JAK3: variants seen among roughly 807,000 people sequenced by gnomAD.
JAK3 encodes the protein tyrosine-protein kinase JAK3.
In JAK3, 88 loss-of-function variants were observed where a neutral mutation model predicts 120.8. The ratio of observed to expected loss-of-function variants is 0.73; its 90% CI spans 0.61 to 0.87. The LOEUF is 0.87. Ranked by LOEUF, JAK3 falls within the 40% of genes least tolerant of loss-of-function variation. JAK3 has a pLI of 0.00. For synonymous variants in JAK3, 592 were observed against 628.6 expected (o/e 0.94, Z 0.87); for missense variants, 1,254 against 1,501.4 (o/e 0.84, Z 2.72).
In JAK3 at chr19:17,831,397, T is replaced by C. The variant is rs2094214260; in HGVS notation, c.2809A>G (p.Met937Val). 1 of 1,603,340 alleles carries C rather than the reference T, an allele frequency of 6.2e-7. No individual in the cohort carries two copies. The highest frequency in any genetic ancestry group is 8.5e-7 in the Non-Finnish European group (1 of 1,179,718). Reference sequence around the variant, plus strand: ...CAGCGGCGGGAGCCCAGGTACTCCATGCCCTGCGGGCGGGCGGTGTGAGCG... The same window carrying C: ...CAGCGGCGGGAGCCCAGGTACTCCACGCCCTGCGGGCGGGCGGTGTGAGCG... ...LLYSSQICKG[M>V]EYLGSRRCVH... is the part of the protein sequence containing the mutation. Residue 937 changes from methionine (M) to valine (V), a missense_variant, in exon 21 of 24, where the codon ATG becomes GTG. Coordinates refer to ENST00000458235, the MANE Select transcript of JAK3 (RefSeq NM_000215.4). The surrounding 1 kb of genome is among the most constrained non-coding windows in gnomAD (Gnocchi z 5.1).
chr19:17,838,431 G>A lies in JAK3; in HGVS notation c.1442-41C>T, dbSNP rs373265096. The A allele has an allele frequency of 5.9e-5, 96 of 1,613,812 alleles. No homozygotes were observed. In the African/African-American group the frequency reaches 8.7e-4, roughly 15 times the overall value. ...GAGGGAGAAAAACCAGAAATCAGAG[G>A]TGAAAAGTCCCCAAGGGTTAGCTAA... is the stretch of plus-strand genomic sequence containing the variant. On this transcript the variant is annotated intron_variant, in intron 10 of 23. Coordinates refer to ENST00000458235, the MANE Select transcript of JAK3 (RefSeq NM_000215.4).
chr19:17,832,610 G>C lies in JAK3; in HGVS notation c.2589C>G (p.Asp863Glu). 6.2e-7 allele frequency: 1 copy of C among 1,614,224 alleles called. No individual in the cohort carries two copies. The highest frequency in any genetic ancestry group is 8.5e-7 in the Non-Finnish European group (1 of 1,180,048). The change falls in exon 19 of 24, where the codon GAC (aspartate) becomes GAG (glutamate). Residue 863 changes from aspartate to glutamate, a missense_variant. Physicochemically the swap from Asp to Glu is conservative, Grantham distance 45 (BLOSUM62 2). Around this residue, in one of 3 missense-constraint regions of JAK3, gnomAD observed 630 missense variants for 819.8 expected, o/e 0.77. Coordinates refer to ENST00000458235, the MANE Select transcript of JAK3 (RefSeq NM_000215.4). The surrounding 1 kb of genome is among the most constrained non-coding windows in gnomAD (Gnocchi z 4.7). ...TCTCCCGCTGAAAGTCCCTCTGCTG[G>C]TCTGGCCCGCTGTGCTGCAGCTGTT... The part of the protein sequence containing the change: ...AVKQLQHSGP[D>E]QQRDFQREIQ...
chr19:17,842,951 G>A lies in JAK3; in HGVS notation c.566+76C>T, dbSNP rs886992826. 3.2e-6 allele frequency: 5 copies of A among 1,579,330 alleles called. No homozygotes were observed. The Admixed American group carries it at 8.3e-5, about 26-fold the overall frequency. ...CTTGCAGGAGAACTCCATGGTGGGAGCCCGGCAAAGCCCCGATGGAGCCCA... is the reference window on the plus strand; with the variant it reads ...CTTGCAGGAGAACTCCATGGTGGGAACCCGGCAAAGCCCCGATGGAGCCCA... On this transcript the variant is annotated intron_variant, in intron 5 of 23. Transcript: ENST00000458235. This position sits in a 1 kb window ranked among gnomAD's most constrained non-coding sequence, Gnocchi z 6.4.
At chr19:17,840,392 CAGAG>C (rs1271446507) in intron 8 of JAK3, 51 bp from the exon 9 acceptor site, 1 of 1,250,626 alleles carries the variant, frequency 8.0e-7, no homozygotes, top group African/African-American at 1.5e-5. Flanking sequence ...TAGAAGAAGA[CAGAG>C]AGACCTGGGC....
At position 17,826,416 on chromosome 19, in the gene JAK3, A is replaced by G. The variant is rs1472518500; in HGVS notation, c.*327T>C. On this transcript the variant is annotated 3_prime_UTR_variant, in exon 24 of 24. Coordinates refer to ENST00000458235, the MANE Select transcript of JAK3 (RefSeq NM_000215.4). ...AAAAATAAAAATAAAAAAAATAAAA[A>G]GAGAGAGACAGAAAAGGAAACTCAG... The G allele has an allele frequency of 3.0e-6, 1 of 335,008 alleles. No individual in the cohort carries two copies. Among genetic ancestry groups the G allele is most frequent in the Admixed American group, 4.4e-5 (1 of 22,682 alleles). 20.8% of individuals were successfully genotyped at this position (335,008 alleles called of 1,614,324 possible).
Position 17,843,395 on chromosome 19 carries a change from C to T in JAK3, c.405G>A (p.Glu135=), listed in dbSNP as rs867072615. 2 of 1,596,856 alleles carry T rather than the reference C, an allele frequency of 1.3e-6. No homozygotes were observed. The highest frequency in any genetic ancestry group is 1.7e-5 in the Admixed American group (1 of 58,010). The change falls in exon 4 of 24, where the codon GAG becomes GAA. Residue 135 remains glutamate (E), a synonymous_variant. Transcript: ENST00000458235. This position sits in a 1 kb window ranked among gnomAD's most constrained non-coding sequence, Gnocchi z 5.4. ...ASAILDLPVL[E]HLFAQHRSDL... is the part of the protein sequence containing the mutation. ...AGAACCCCACCTGGGCAAAGAGGTG[C>T]TCCAGGACTGGCAGGTCAAGGATAG...
In JAK3 at chr19:17,825,279, G is replaced by A; in HGVS notation, c.*1464C>T. Reference sequence around the variant, plus strand: ...ACCTCCTTACTCTGAGCCTTCTCACGCTTGGCATGCTGTTCCCTCTGCCAG... The same window carrying A: ...ACCTCCTTACTCTGAGCCTTCTCACACTTGGCATGCTGTTCCCTCTGCCAG... On this transcript the variant is annotated 3_prime_UTR_variant, in exon 24 of 24. Transcript: ENST00000458235. 4.4e-6 allele frequency: 1 copy of A among 228,926 alleles called. No individual in the cohort carries two copies. The highest frequency in any genetic ancestry group is 6.2e-5 in the East Asian group (1 of 16,016). The allele number at this position is 228,926 out of a possible 1,614,324, so 14.2% of individuals were successfully genotyped here. A position where few individuals can be genotyped will look rare whatever the true frequency, so the allele number is the denominator to read the frequency against.
At position 17,841,689 on chromosome 19, in the gene JAK3, G is replaced by A; in HGVS notation, c.935C>T (p.Ala312Val). Reference sequence around the variant, plus strand: ...AACAGTGACCAGGCGGTGCTCTCCGGCCGGGCCAACGCGCGGGGCCTGCTT... The same window carrying A: ...AACAGTGACCAGGCGGTGCTCTCCGACCGGGCCAACGCGCGGGGCCTGCTT... ...SIKQAPRVGP[A>V]GEHRLVTVTR... Residue 312 changes from alanine (A) to valine (V), a missense_variant, in exon 7 of 24, where the codon GCC becomes GTC. Transcript: ENST00000458235. The surrounding 1 kb of genome is among the most constrained non-coding windows in gnomAD (Gnocchi z 4.1). 1 of 1,613,816 alleles carries A rather than the reference G, an allele frequency of 6.2e-7. No homozygotes were observed. Among genetic ancestry groups the A allele is most frequent in the Non-Finnish European group, 8.5e-7 (1 of 1,179,952 alleles).
rs34803277 is a variant in JAK3 at position 17,825,900 on chromosome 19, C to CAAAAAAAAA, written c.*834_*842dup. The CAAAAAAAAA allele has an allele frequency of 1.9e-5, 1 of 52,828 alleles. No homozygotes were observed. The highest frequency in any genetic ancestry group is 7.5e-5 in the African/African-American group (1 of 13,346). The allele number at this position is 52,828 out of a possible 1,614,324, so 3.3% of individuals were successfully genotyped here. A position where few individuals can be genotyped will look rare whatever the true frequency, so the allele number is the denominator to read the frequency against. On this transcript the variant is annotated 3_prime_UTR_variant, in exon 24 of 24. Coordinates refer to ENST00000458235, the MANE Select transcript of JAK3 (RefSeq NM_000215.4). ...TGGGCGACAGAGCGAGACTCCGTCT[C>CAAAAAAAAA]AAAAAAAAAAAAAAAAAAAAAGCTA...
intron 1 of JAK3, among the ~76,000 whole-genome samples, chr19:17,844,668 G>A (rs921641202): frequency 4.0e-5 from 6 of 151,768 alleles, no homozygotes; most frequent in Admixed American, 1.3e-4. Context: ...GTGGTGGTGC[G>A]TTCCTGTAAT....
rs1201702835 is a variant in JAK3 at position 17,841,797 on chromosome 19, A to C, written c.862-35T>G. 3.1e-6 allele frequency: 5 copies of C among 1,598,872 alleles called. No individual in the cohort carries two copies. In the South Asian group the frequency reaches 5.5e-5, roughly 18 times the overall value. Reference sequence around the variant, plus strand: ...AGGGGGAGTACCGAAGTGGGGGCCCAGCTGGACCCCGCCAAACCACGCCCA... The same window carrying C: ...AGGGGGAGTACCGAAGTGGGGGCCCCGCTGGACCCCGCCAAACCACGCCCA... On this transcript the variant is annotated intron_variant, in intron 6 of 23. Coordinates refer to ENST00000458235, the MANE Select transcript of JAK3 (RefSeq NM_000215.4). This position sits in a 1 kb window ranked among gnomAD's most constrained non-coding sequence, Gnocchi z 4.1.
Position 17,842,512 on chromosome 19 carries a change from C to T in JAK3, c.665G>A (p.Arg222His), listed in dbSNP as rs199868795. ...GTCTGCCTGGCAGGCGGCCACGCGG[C>T]GCAGGGCTCTGCGCACCGTCCTCCG... ...RIRRTVRRAL[R>H]RVAACQADRH... The change falls in exon 6 of 24, where the codon CGC becomes CAC. Residue 222 changes from arginine to histidine, a missense_variant. Arg to His is a conservative substitution (Grantham distance 29, BLOSUM62 0). Coordinates refer to ENST00000458235, the MANE Select transcript of JAK3 (RefSeq NM_000215.4). This position sits in a 1 kb window ranked among gnomAD's most constrained non-coding sequence, Gnocchi z 6.4. 63 of 1,595,270 alleles carry T rather than the reference C, an allele frequency of 3.9e-5. No individual in the cohort carries two copies. In the East Asian group the frequency reaches 1.3e-3, roughly 32 times the overall value.
intron 17 of JAK3, among the ~76,000 whole-genome samples, chr19:17,833,208 T>G (rs2094217623): frequency 6.6e-6 from 1 of 152,222 alleles, no homozygotes; most frequent in Non-Finnish European, 1.5e-5. Flanking sequence ...GTTCCACTGC[T>G]ATGAAATGTG....
intron 1 of JAK3, among the ~76,000 whole-genome samples, chr19:17,845,740 C>T (rs3212705): frequency 2.5e-4 from 38 of 152,074 alleles, no homozygotes; most frequent in African/African-American, 7.5e-4. Flanking sequence ...CAGAGCAAGA[C>T]CTTATCTCTA....
chr19:17,843,567 G>C lies in JAK3; in HGVS notation c.309-76C>G. 1 of 1,240,146 alleles carries C rather than the reference G, an allele frequency of 8.1e-7. No individual in the cohort carries two copies. Among genetic ancestry groups the C allele is most frequent in the South Asian group, 1.2e-5 (1 of 80,286 alleles). The allele number at this position is 1,240,146 out of a possible 1,614,324, so 76.8% of individuals were successfully genotyped here. Reference sequence around the variant, plus strand: ...AGGAGTGACATTATGGTGGGGGCGAGGGACAGATTCTGCGGAGGCCTCACA... The same window carrying C: ...AGGAGTGACATTATGGTGGGGGCGACGGACAGATTCTGCGGAGGCCTCACA... On this transcript the variant is annotated intron_variant, in intron 3 of 23. Transcript: ENST00000458235. The surrounding 1 kb of genome is among the most constrained non-coding windows in gnomAD (Gnocchi z 5.4).
chr19:17,845,278 GTGCCT>G (rs2094249551), intron 1 of JAK3, among the ~76,000 whole-genome samples: 1 of 151,990 alleles, frequency 6.6e-6, no homozygotes, highest in Non-Finnish European at 1.5e-5. Flanking sequence ...AGAGATTCTC[GTGCCT>G]CAGCCACCCC....
At chr19:17,834,424 C>T (rs1246332095) in intron 17 of JAK3, 147 bp downstream of exon 17, 2 of 747,366 alleles carry the variant, frequency 2.7e-6, no homozygotes, top group Non-Finnish European at 4.7e-6. Flanking sequence ...GTTACAGTAG[C>T]TGTTGAAGCT....
chr19:17,839,613 T>C lies in JAK3; in HGVS notation c.1305A>G (p.Thr435=), dbSNP rs2094232715. Residue 435 remains threonine (T), a synonymous_variant, in exon 10 of 24, where the codon ACA becomes ACG. Coordinates refer to ENST00000458235, the MANE Select transcript of JAK3 (RefSeq NM_000215.4). ...YKGCLIRRSP[T]GTFLLVGLSR... ...TGAGGCCAACCAGAAGGAAGGTTCC[T>C]GTGGGGCTGCGCCGGATGAGGCAGC... The C allele has an allele frequency of 6.2e-7, 1 of 1,612,532 alleles. No individual in the cohort carries two copies.
intron 1 of JAK3, among the ~76,000 whole-genome samples, chr19:17,847,084 G>T (rs61210412): frequency 0.033 from 4,969 of 152,192 alleles, 152 homozygotes; most frequent in East Asian, 0.13. Flanking sequence ...TTTTAGTAGA[G>T]ATAGGGTTTC....
Sources: gnomAD v4.1 joint callset for allele counts (sites outside exome capture counted in the v4.1 genomes callset) on GRCh38, gnomAD v4.1.1 for gene constraint, gnomAD v4.1.1 regional missense constraint, Gnocchi (gnomAD v3.1) non-coding constraint, MANE v1.5 for transcripts, NCBI Gene and HGNC (gene_info 2026-07-23, HGNC 2026-07-21) for gene names.